The following GALNT17 variants were observed in gnomAD, a reference collection of about 807,000 sequenced individuals.
GALNT17 encodes UDP-GalNAc:polypeptide N-acetylgalactosaminyltransferase-like 3.
A neutral mutation model predicts 63.7 loss-of-function variants in GALNT17; 29 were observed. The ratio of observed to expected loss-of-function variants is 0.46; its 90% CI spans 0.34 to 0.62. The LOEUF (loss-of-function observed/expected upper bound fraction) is 0.62. GALNT17 is among the 20% of genes least tolerant of loss of function. The probability of loss-of-function intolerance (pLI) is 0.01; values close to 1 mark genes in which losing one functional copy is unlikely to be tolerated. For missense variants in GALNT17, 603 were observed against 799.6 expected (o/e 0.75, Z 2.97); for synonymous variants, 305 against 318.3 (o/e 0.96, Z 0.45).
In GALNT17 at chr7:71,527,927, A is replaced by G. The variant is rs1184884077; in HGVS notation, c.963-43358A>G. Reference sequence around the variant, plus strand: ...TATCTATCTTTTCTCTACTTTGGAAATACAACTATTGCACCAAGGTTTTTT... The same window carrying G: ...TATCTATCTTTTCTCTACTTTGGAAGTACAACTATTGCACCAAGGTTTTTT... On this transcript the variant is annotated intron_variant, in intron 5 of 10. Transcript: ENST00000333538. Among the ~76,000 whole-genome samples, 9 of 152,324 alleles carry G rather than the reference A, an allele frequency of 5.9e-5. No individual in the cohort carries two copies. In the East Asian group the frequency reaches 1.5e-3, roughly 26 times the overall value.
intron 1 of GALNT17, among the ~76,000 whole-genome samples, chr7:71,227,707 AT>A (rs1789707495): frequency 6.6e-6 from 1 of 152,056 alleles, no homozygotes; most frequent in Non-Finnish European, 1.5e-5. Flanking sequence ...TATTTCTGGG[AT>A]TGATGTTTTA....
chr7:71,609,484 A>G (rs1177440687), intron 6 of GALNT17, among the ~76,000 whole-genome samples: 2 of 152,242 alleles, frequency 1.3e-5, no homozygotes, highest in African/African-American at 4.8e-5. Flanking sequence ...AACTCACAGC[A>G]AACTGAGAAA....
At chr7:71,634,225 A>T (rs1400494963) in intron 6 of GALNT17, among the ~76,000 whole-genome samples, 1 of 152,106 alleles carries the variant, frequency 6.6e-6, no homozygotes, top group African/African-American at 2.4e-5. Context: ...GGCCGTGTGG[A>T]GCCACTGAAG....
chr7:71,599,649 C>T (rs988821604), intron 6 of GALNT17, among the ~76,000 whole-genome samples: 6 of 151,926 alleles, frequency 3.9e-5, no homozygotes, highest in African/African-American at 7.2e-5. Context: ...CAGAATTTCT[C>T]ACCTAGACAT....
chr7:71,692,374 G>T (rs930333839), intron 9 of GALNT17, among the ~76,000 whole-genome samples: 2 of 152,066 alleles, frequency 1.3e-5, no homozygotes, highest in Admixed American at 1.3e-4. Context: ...ATATTGATTT[G>T]TTAGGCTGTC....
intron 9 of GALNT17, among the ~76,000 whole-genome samples, chr7:71,701,833 A>G (rs1562742414): frequency 2.7e-4 from 7 of 25,828 alleles, no homozygotes; most frequent in Non-Finnish European, 4.2e-4. Context: ...ATATACACAT[A>G]TATATATGTG....
intron 9 of GALNT17, among the ~76,000 whole-genome samples, chr7:71,690,843 C>T (rs1791433476): frequency 6.6e-6 from 1 of 152,180 alleles, no homozygotes; most frequent in Admixed American, 6.6e-5. Flanking sequence ...TTGCTGCAAT[C>T]TCATGATCAA....
At chr7:71,259,494 G>A (rs1790344102) in intron 1 of GALNT17, among the ~76,000 whole-genome samples, 1 of 152,154 alleles carries the variant, frequency 6.6e-6, no homozygotes, top group African/African-American at 2.4e-5. Context: ...TGGAAACGAA[G>A]CACTGGTCCC....
chr7:71,418,278 A>G (rs1021252413), intron 4 of GALNT17, among the ~76,000 whole-genome samples: 3 of 152,082 alleles, frequency 2.0e-5, no homozygotes, highest in Non-Finnish European at 4.4e-5. Flanking sequence ...CGCATTTTCC[A>G]CACTTCTACC....
chr7:71,516,565 G>T (rs997796374), intron 5 of GALNT17, among the ~76,000 whole-genome samples: 1 of 152,130 alleles, frequency 6.6e-6, no homozygotes, highest in Non-Finnish European at 1.5e-5. Flanking sequence ...AGATCTTAGG[G>T]TCTACTTCAG....
intron 1 of GALNT17, among the ~76,000 whole-genome samples, chr7:71,269,474 AT>A (rs1790546730): frequency 6.6e-6 from 1 of 152,136 alleles, no homozygotes; most frequent in Non-Finnish European, 1.5e-5. Flanking sequence ...CTATTAAAAA[AT>A]AAGCCTTTGC....
chr7:71,154,302 C>A (rs981736804), intron 1 of GALNT17, among the ~76,000 whole-genome samples: 11 of 152,202 alleles, frequency 7.2e-5, no homozygotes, highest in African/African-American at 2.7e-4. Flanking sequence ...AGGAGCCAGA[C>A]ACATGAGTGA....
intron 1 of GALNT17, among the ~76,000 whole-genome samples, chr7:71,226,847 G>T (rs532368328): frequency 5.9e-5 from 9 of 152,068 alleles, no homozygotes; most frequent in African/African-American, 2.2e-4. Context: ...TTGCCAAAAG[G>T]CTCCGTGGTC....
chr7:71,697,500 CAG>C (rs1337414615), intron 9 of GALNT17, among the ~76,000 whole-genome samples: 1 of 152,096 alleles, frequency 6.6e-6, no homozygotes, highest in Non-Finnish European at 1.5e-5. Context: ...GGGTGCGTAA[CAG>C]GGAGCTAATT....
chr7:71,643,037 G>A (rs925537747), intron 6 of GALNT17, among the ~76,000 whole-genome samples: 6 of 152,184 alleles, frequency 3.9e-5, no homozygotes, highest in African/African-American at 1.4e-4. Flanking sequence ...TTTTGGGACA[G>A]TCACACATGA....
intron 5 of GALNT17, among the ~76,000 whole-genome samples, chr7:71,521,950 C>T (rs935623361): frequency 6.6e-6 from 1 of 152,144 alleles, no homozygotes; most frequent in Non-Finnish European, 1.5e-5. Context: ...ATAAGGGCCC[C>T]TGGAAAGCTT....
At chr7:71,189,325 T>G (rs1383586758) in intron 1 of GALNT17, among the ~76,000 whole-genome samples, 2 of 152,216 alleles carry the variant, frequency 1.3e-5, no homozygotes, top group East Asian at 3.9e-4. Context: ...ATTAAACCTC[T>G]TTTTCTTTAT....
chr7:71,389,254 C>T (rs1793007046), intron 3 of GALNT17, among the ~76,000 whole-genome samples: 1 of 152,068 alleles, frequency 6.6e-6, no homozygotes, highest in African/African-American at 2.4e-5. Context: ...CTGCCTTAGC[C>T]TCCCGAGTAG....
chr7:71,355,336 T>C (rs1230746283), intron 2 of GALNT17, among the ~76,000 whole-genome samples: 1 of 152,196 alleles, frequency 6.6e-6, no homozygotes, highest in Non-Finnish European at 1.5e-5. Flanking sequence ...TGAATGTTTT[T>C]CTTCTTAATG....
Sources: allele counts gnomAD v4.1 joint callset (sites outside exome capture counted in the v4.1 genomes callset), GRCh38; gene constraint gnomAD v4.1.1; transcripts MANE v1.5; gene names NCBI Gene and HGNC (gene_info 2026-07-23, HGNC 2026-07-21).